The following MYO1E variants were observed in gnomAD, a reference collection of about 807,000 sequenced individuals.
The protein encoded by MYO1E is myosin IE.
A neutral mutation model predicts 151.1 loss-of-function variants in MYO1E; 68 were observed. The observed-to-expected ratio is 0.45, with a 90% CI of 0.37 to 0.55. MYO1E has a LOEUF of 0.55. MYO1E is among the 20% of genes least tolerant of loss of function. The probability of loss-of-function intolerance (pLI) is 0.00; values close to 1 mark genes in which losing one functional copy is unlikely to be tolerated. For synonymous variants in MYO1E, 601 were observed against 501.7 expected (o/e 1.20, Z -2.64); for missense variants, 1,363 against 1,389.3 (o/e 0.98, Z 0.30).
intron 1 of MYO1E, among the ~76,000 whole-genome samples, chr15:59,310,642 C>T (rs1394391372): frequency 6.6e-6 from 1 of 152,070 alleles, no homozygotes; most frequent in African/African-American, 2.4e-5. Flanking sequence ...TCCTAGCCTT[C>T]GGAATTGTGA....
At chr15:59,360,735 GA>G (rs1286132395) in intron 1 of MYO1E, among the ~76,000 whole-genome samples, 1 of 152,150 alleles carries the variant, frequency 6.6e-6, no homozygotes, top group East Asian at 1.9e-4. Flanking sequence ...CCTTGCTTGG[GA>G]AAGCAGCAGC....
intron 1 of MYO1E, among the ~76,000 whole-genome samples, chr15:59,280,762 G>A (rs1183052215): frequency 6.6e-6 from 1 of 151,734 alleles, no homozygotes; most frequent in Admixed American, 6.6e-5. Flanking sequence ...GATATATTCT[G>A]GCGCATGACA....
intron 14 of MYO1E, chr15:59,207,569 G>A (rs1427100843): frequency 2.5e-6 from 4 of 1,614,082 alleles, no homozygotes; most frequent in Non-Finnish European, 3.4e-6. Context: ...ATTATTGGAA[G>A]CGGCTGTAAT....
At chr15:59,357,582 G>A (rs940196567) in intron 1 of MYO1E, among the ~76,000 whole-genome samples, 1 of 121,928 alleles carries the variant, frequency 8.2e-6, no homozygotes, top group African/African-American at 2.9e-5. Flanking sequence ...CTACCACCAC[G>A]CCTGGCTATT....
In MYO1E at chr15:59,211,200, A is replaced by C. The variant is rs1282504269; in HGVS notation, c.1276-600T>G. Reference sequence around the variant, plus strand: ...GGATGACAGAGCGAAACTCCAACTCAAAAAAAAAAAAAAAAATTGAATATA... The same window carrying C: ...GGATGACAGAGCGAAACTCCAACTCCAAAAAAAAAAAAAAAATTGAATATA... On this transcript the variant is annotated intron_variant, in intron 12 of 27. Coordinates refer to ENST00000288235, the MANE Select transcript of MYO1E (RefSeq NM_004998.4). 1.0e-4 allele frequency among the ~76,000 whole-genome samples: 5 copies of C among 49,680 alleles called. No individual in the cohort carries two copies. In the East Asian group the frequency reaches 6.0e-3, roughly 60 times the overall value. 32.6% of individuals were successfully genotyped at this position (49,680 alleles called of 152,430 possible). A position where few individuals can be genotyped will look rare whatever the true frequency, so the allele number is the denominator to read the frequency against.
intron 1 of MYO1E, among the ~76,000 whole-genome samples, chr15:59,286,645 G>C (rs1177937775): frequency 6.6e-6 from 1 of 152,148 alleles, no homozygotes; most frequent in East Asian, 1.9e-4. Flanking sequence ...ACGGAGTCCA[G>C]GGAAACAAGC....
intron 22 of MYO1E, among the ~76,000 whole-genome samples, chr15:59,167,042 A>C (rs2079566995): frequency 6.6e-6 from 1 of 152,102 alleles, no homozygotes; most frequent in South Asian, 2.1e-4. Context: ...GATGTTGACA[A>C]CTTCCAGGTT....
At chr15:59,173,708 CTGTT>C (rs755799831) in intron 21 of MYO1E, 34 bp downstream of exon 21, 13 of 1,608,036 alleles carry the variant, frequency 8.1e-6, no homozygotes, top group African/African-American at 1.3e-5. Flanking sequence ...AATAAGGAAT[CTGTT>C]TGGTGATCTC....
At chr15:59,331,025 C>A (rs1357568926) in intron 1 of MYO1E, among the ~76,000 whole-genome samples, 1 of 152,106 alleles carries the variant, frequency 6.6e-6, no homozygotes, top group Non-Finnish European at 1.5e-5. Context: ...CTGTGTCGTC[C>A]TCCCACAGTG....
chr15:59,272,688 T>C (rs1334961467), intron 1 of MYO1E, among the ~76,000 whole-genome samples: 3 of 152,206 alleles, frequency 2.0e-5, no homozygotes, highest in Non-Finnish European at 4.4e-5. Flanking sequence ...ACAAAGTGAC[T>C]TCTCTTTTCT....
chr15:59,143,300 T>C (rs1377215975), intron 26 of MYO1E, among the ~76,000 whole-genome samples: 1 of 151,906 alleles, frequency 6.6e-6, no homozygotes, highest in Non-Finnish European at 1.5e-5. Context: ...AGGGCAGCTT[T>C]GAGATGGGTG....
At chr15:59,280,442 T>C (rs1480030185) in intron 1 of MYO1E, among the ~76,000 whole-genome samples, 2 of 152,026 alleles carry the variant, frequency 1.3e-5, no homozygotes, top group Admixed American at 6.6e-5. Flanking sequence ...CTGGTCAACA[T>C]TGTGAAACCC....
At chr15:59,238,814 G>A (rs139453149) in intron 4 of MYO1E, among the ~76,000 whole-genome samples, 19 of 151,972 alleles carry the variant, frequency 1.3e-4, no homozygotes, top group African/African-American at 4.1e-4. Context: ...CAGGTGATCC[G>A]CCTGCCTTGG....
intron 1 of MYO1E, among the ~76,000 whole-genome samples, chr15:59,280,680 G>T (rs1475276682): frequency 1.3e-4 from 20 of 150,550 alleles, no homozygotes; most frequent in African/African-American, 2.9e-4. Context: ...TTAACTGGCA[G>T]TTTTTTTTTA....
chr15:59,270,941 G>A (rs2080285622), intron 2 of MYO1E: 1 of 152,132 alleles, frequency 6.6e-6, no homozygotes. Context: ...GAAAATAAAT[G>A]TTTTAAATGA....
intron 12 of MYO1E, among the ~76,000 whole-genome samples, chr15:59,213,950 C>A (rs1048380671): frequency 1.3e-5 from 2 of 152,204 alleles, no homozygotes; most frequent in Admixed American, 6.5e-5. Flanking sequence ...GCTCCCATTT[C>A]CCACGTGCTC....
intron 10 of MYO1E, among the ~76,000 whole-genome samples, 184 bp downstream of exon 10, chr15:59,217,707 T>C (rs192139358): frequency 1.6e-3 from 241 of 151,760 alleles, no homozygotes; most frequent in Non-Finnish European, 2.9e-3. Flanking sequence ...TTGTGTTTTT[T>C]TGTAGAGACA....
chr15:59,150,585 C>G (rs2079469642), intron 26 of MYO1E, among the ~76,000 whole-genome samples: 1 of 152,192 alleles, frequency 6.6e-6, no homozygotes, highest in Non-Finnish European at 1.5e-5. Context: ...AGGCATCAAA[C>G]TGGGCCTAGG....
chr15:59,303,303 T>C (rs1392764312), intron 1 of MYO1E, among the ~76,000 whole-genome samples: 2 of 152,134 alleles, frequency 1.3e-5, no homozygotes, highest in African/African-American at 2.4e-5. Context: ...TAGTTCTAGC[T>C]ACTTGGGAGC....
Sources: gnomAD v4.1 joint callset for allele counts (sites outside exome capture counted in the v4.1 genomes callset) on GRCh38, gnomAD v4.1.1 for gene constraint, MANE v1.5 for transcripts, NCBI Gene and HGNC (gene_info 2026-07-23, HGNC 2026-07-21) for gene names.